The following SNTG1 variants were observed in gnomAD, a reference collection of about 807,000 sequenced individuals.
The protein encoded by SNTG1 is syntrophin gamma 1.
SNTG1 carries 39 observed loss-of-function variants against 74.7 expected under a neutral mutation model. The ratio of observed to expected loss-of-function variants is 0.52; its 90% CI spans 0.40 to 0.68. The LOEUF is 0.68. Ranked by LOEUF, SNTG1 falls within the 30% of genes least tolerant of loss-of-function variation. The probability of loss-of-function intolerance (pLI) is 0.00; values close to 1 mark genes in which losing one functional copy is unlikely to be tolerated. For synonymous variants in SNTG1, 254 were observed against 217.1 expected (o/e 1.17, Z -1.49); for missense variants, 685 against 609.5 (o/e 1.12, Z -1.30).
At chr8:50,241,801 C>T (rs2086175210) in intron 2 of SNTG1, among the ~76,000 whole-genome samples, 1 of 152,084 alleles carries the variant, frequency 6.6e-6, no homozygotes. Flanking sequence ...TACAATTATG[C>T]AGTAATTCCT....
intron 2 of SNTG1, among the ~76,000 whole-genome samples, chr8:50,347,980 C>T (rs1460491821): frequency 6.6e-6 from 1 of 152,078 alleles, no homozygotes; most frequent in Non-Finnish European, 1.5e-5. Flanking sequence ...TTTCACTTCC[C>T]CAAGAAACAT....
intron 4 of SNTG1, among the ~76,000 whole-genome samples, chr8:50,426,445 A>T (rs1015614687): frequency 6.6e-6 from 1 of 151,906 alleles, no homozygotes; most frequent in Non-Finnish European, 1.5e-5. Flanking sequence ...TAACAAAAAC[A>T]TTTTAAAAAT....
chr8:49,926,475 A>G (rs558016704), intron 1 of SNTG1, among the ~76,000 whole-genome samples: 1 of 152,276 alleles, frequency 6.6e-6, no homozygotes, highest in African/African-American at 2.4e-5. Context: ...AATTAAACAT[A>G]AATTAATTAA....
chr8:50,106,077 C>G (rs867757400), intron 1 of SNTG1, among the ~76,000 whole-genome samples: 1 of 151,960 alleles, frequency 6.6e-6, no homozygotes, highest in African/African-American at 2.4e-5. Context: ...TTAGTCTATT[C>G]GTACACTGCT....
At chr8:50,061,920 A>G (rs1321474177) in intron 1 of SNTG1, among the ~76,000 whole-genome samples, 1 of 152,068 alleles carries the variant, frequency 6.6e-6, no homozygotes, top group Non-Finnish European at 1.5e-5. Flanking sequence ...TTTTTTTAAA[A>G]TATGTATTCT....
intron 2 of SNTG1, among the ~76,000 whole-genome samples, chr8:50,237,143 T>C (rs933598629): frequency 6.6e-6 from 1 of 152,184 alleles, no homozygotes; most frequent in African/African-American, 2.4e-5. Context: ...TTTTACCTTT[T>C]TTTTTCTTGC....
At chr8:50,242,288 G>A (rs2086197847) in intron 2 of SNTG1, among the ~76,000 whole-genome samples, 1 of 151,824 alleles carries the variant, frequency 6.6e-6, no homozygotes, top group South Asian at 2.1e-4. Flanking sequence ...CAGGACTTTG[G>A]GAGGCAGAGG....
chr8:50,611,718 T>C (rs1323235697), intron 13 of SNTG1, among the ~76,000 whole-genome samples: 3 of 151,820 alleles, frequency 2.0e-5, no homozygotes, highest in Non-Finnish European at 4.4e-5. Flanking sequence ...AGTCCAAGAG[T>C]TTCAGTTTAG....
chr8:50,109,545 T>C (rs538678003), intron 1 of SNTG1, among the ~76,000 whole-genome samples: 1 of 152,178 alleles, frequency 6.6e-6, no homozygotes, highest in African/African-American at 2.4e-5. Flanking sequence ...TAGCAAATGT[T>C]CATATGATAT....
At chr8:50,593,929 C>G (rs2046354) in intron 13 of SNTG1, among the ~76,000 whole-genome samples, 30,792 of 151,692 alleles carry the variant, frequency 0.2, 7,366 homozygotes, top group African/African-American at 0.58. Flanking sequence ...TGTTGGCCAG[C>G]CTGGTCTCAA....
intron 18 of SNTG1, among the ~76,000 whole-genome samples, chr8:50,765,792 G>C (rs1478164973): frequency 6.6e-6 from 1 of 151,928 alleles, no homozygotes; most frequent in Non-Finnish European, 1.5e-5. Context: ...CTGCTGAGTA[G>C]TCTGGAGAGA....
Position 50,678,780 on chromosome 8 carries a change from G to A in SNTG1, c.1038+20117G>A, listed in dbSNP as rs188715395. 4.2e-3 allele frequency among the ~76,000 whole-genome samples: 636 copies of A among 152,140 alleles called. 2 individuals are homozygous for A. The highest frequency in any genetic ancestry group is 6.9e-3 in the Non-Finnish European group (470 of 67,980). Reference sequence around the variant, plus strand: ...ATAACTGGCTCTTGTCAAAATTGACGTTGTTCATAATTTTTTGTAAAACTA... The same window carrying A: ...ATAACTGGCTCTTGTCAAAATTGACATTGTTCATAATTTTTTGTAAAACTA... On this transcript the variant is annotated intron_variant, in intron 15 of 18. Transcript: ENST00000642720.
intron 13 of SNTG1, among the ~76,000 whole-genome samples, chr8:50,597,381 A>ACATATATG (rs1358739983): frequency 8.7e-4 from 9 of 10,334 alleles, no homozygotes; most frequent in Non-Finnish European, 1.3e-3. Flanking sequence ...GTATATATAC[A>ACATATATG]CATATATACA....
intron 2 of SNTG1, among the ~76,000 whole-genome samples, chr8:50,276,847 CT>C (rs59422673): frequency 6.6e-6 from 1 of 151,364 alleles, no homozygotes; most frequent in Non-Finnish European, 1.5e-5. Flanking sequence ...TTTTTCTTTT[CT>C]TTTTTTTGAG....
intron 1 of SNTG1, among the ~76,000 whole-genome samples, chr8:50,110,579 A>G (rs772801929): frequency 1.8e-4 from 28 of 152,164 alleles, no homozygotes; most frequent in Non-Finnish European, 4.1e-4. Context: ...CAAAGCCTGG[A>G]AGAGCAAGGG....
intron 1 of SNTG1, among the ~76,000 whole-genome samples, chr8:50,120,361 A>G (rs1287691237): frequency 7.1e-6 from 1 of 139,982 alleles, no homozygotes; most frequent in Non-Finnish European, 1.6e-5. Flanking sequence ...TGCCACTAAT[A>G]CTACCAATAT....
chr8:50,275,405 T>C (rs2088035304), intron 2 of SNTG1, among the ~76,000 whole-genome samples: 1 of 152,198 alleles, frequency 6.6e-6, no homozygotes, highest in Non-Finnish European at 1.5e-5. Context: ...TTAGTGAATA[T>C]CTTATTACAT....
At chr8:50,470,279 G>T (rs1237370521) in intron 8 of SNTG1, among the ~76,000 whole-genome samples, 1 of 152,208 alleles carries the variant, frequency 6.6e-6, no homozygotes, top group African/African-American at 2.4e-5. Flanking sequence ...GTCAATATGA[G>T]ATTATGTTCT....
intron 2 of SNTG1, among the ~76,000 whole-genome samples, chr8:50,332,363 T>G (rs1391607036): frequency 6.6e-6 from 1 of 152,150 alleles, no homozygotes; most frequent in African/African-American, 2.4e-5. Context: ...TCCTCTACAG[T>G]GTGCCCTCGT....
Sources: allele counts gnomAD v4.1 joint callset (sites outside exome capture counted in the v4.1 genomes callset), GRCh38; gene constraint gnomAD v4.1.1; transcripts MANE v1.5; gene names NCBI Gene and HGNC (gene_info 2026-07-23, HGNC 2026-07-21).